Variants in IL1RAPL1 observed in about 807,000 individuals in gnomAD.
IL1RAPL1 encodes interleukin 1 receptor accessory protein like 1.
A neutral mutation model predicts 48.4 loss-of-function variants in IL1RAPL1; 3 were observed. That is an observed-to-expected ratio of 0.06 (90% confidence interval 0.03 to 0.16). The LOEUF is 0.16. IL1RAPL1 is among the 10% of genes least tolerant of loss of function. The pLI is 1.00. For synonymous variants in IL1RAPL1, 185 were observed against 187.7 expected, an observed-to-expected ratio of 0.99 and a Z score of 0.12; for missense variants, 349 against 530.6, an observed-to-expected ratio of 0.66 and a Z score of 3.36.
At chrX:29,794,576 A>C (rs1401464828) in intron 6 of IL1RAPL1, among the ~76,000 whole-genome samples, 1 of 112,168 alleles carries the variant, frequency 8.9e-6, no homozygotes, top group East Asian at 2.8e-4. Context: ...ATAGGGCACA[A>C]AAGCAGTTAT....
intron 2 of IL1RAPL1, among the ~76,000 whole-genome samples, chrX:29,035,501 AG>A (rs1012996261): frequency 3.6e-5 from 4 of 111,803 alleles, no homozygotes; most frequent in African/African-American, 1.3e-4. Flanking sequence ...CATACACCTA[AG>A]TTAACTTTAG....
intron 2 of IL1RAPL1, among the ~76,000 whole-genome samples, chrX:29,135,810 C>T (rs1252788202): frequency 8.9e-6 from 1 of 111,984 alleles, no homozygotes; most frequent in African/African-American, 3.2e-5. Flanking sequence ...TCTTGGCTCA[C>T]TACAACTTCC....
chrX:28,732,416 A>G (rs1394357881), intron 1 of IL1RAPL1, among the ~76,000 whole-genome samples: 1 of 112,008 alleles, frequency 8.9e-6, no homozygotes, highest in Non-Finnish European at 1.9e-5. Flanking sequence ...TCTTGTCCGT[A>G]TATAAATAGG....
chrX:29,744,873 A>G (rs1928294312), intron 6 of IL1RAPL1, among the ~76,000 whole-genome samples: 1 of 112,418 alleles, frequency 8.9e-6, no homozygotes, highest in Non-Finnish European at 1.9e-5. Flanking sequence ...GCAACAGAAT[A>G]AAGTTAACAT....
At chrX:29,504,921 T>A (rs754284610) in intron 5 of IL1RAPL1, among the ~76,000 whole-genome samples, 6 of 111,911 alleles carry the variant, frequency 5.4e-5, no homozygotes, top group African/African-American at 1.6e-4. Context: ...GTTCCTTTCC[T>A]ATTGTCTTCC....
At chrX:29,394,042 A>G (rs1933892446) in intron 3 of IL1RAPL1, among the ~76,000 whole-genome samples, 1 of 109,622 alleles carries the variant, frequency 9.1e-6, no homozygotes, top group South Asian at 3.9e-4. Context: ...TTTTATGCTG[A>G]AAGATTGACT....
At chrX:29,172,133 A>G (rs1174252907) in intron 2 of IL1RAPL1, among the ~76,000 whole-genome samples, 3 of 112,691 alleles carry the variant, frequency 2.7e-5, no homozygotes, top group Non-Finnish European at 5.6e-5. Flanking sequence ...TTTTCTTTTC[A>G]AAAGGTTAAG....
chrX:28,731,349 A>G (rs1332229561), intron 1 of IL1RAPL1, among the ~76,000 whole-genome samples: 1 of 111,712 alleles, frequency 9.0e-6, no homozygotes, highest in Admixed American at 9.5e-5. Context: ...TAAAAAGACA[A>G]TGATTGCTAG....
chrX:28,975,109 A>G lies in IL1RAPL1; in HGVS notation c.82+185684A>G, dbSNP rs188756301. Among the ~76,000 whole-genome samples the G allele has an allele frequency of 6.2e-5, 7 of 112,127 alleles. No individual in the cohort carries two copies. In the Admixed American group the frequency reaches 6.6e-4, roughly 11 times the overall value. On this transcript the variant is annotated intron_variant, in intron 2 of 10. Coordinates refer to ENST00000378993, the MANE Select transcript of IL1RAPL1 (RefSeq NM_014271.4). Reference sequence around the variant, plus strand: ...TTTTTAATACAAAGTCATCTGGCCAATGCTTATCTCTTCAGACTCATACCC... The same window carrying G: ...TTTTTAATACAAAGTCATCTGGCCAGTGCTTATCTCTTCAGACTCATACCC...
At chrX:28,774,900 A>T (rs1936346676) in intron 1 of IL1RAPL1, among the ~76,000 whole-genome samples, 1 of 111,501 alleles carries the variant, frequency 9.0e-6, no homozygotes, top group South Asian at 3.8e-4. Context: ...CCTGGAAGTG[A>T]TCTTTGATTT....
chrX:28,832,822 A>T (rs1346742771), intron 2 of IL1RAPL1, among the ~76,000 whole-genome samples: 3 of 80,404 alleles, frequency 3.7e-5, no homozygotes, highest in East Asian at 3.9e-4. Context: ...ATTTTTTTCA[A>T]TTTTTTTTTT....
chrX:28,882,942 A>C, intron 2 of IL1RAPL1, among the ~76,000 whole-genome samples: 1 of 112,079 alleles, frequency 8.9e-6, no homozygotes, highest in Non-Finnish European at 1.9e-5. Flanking sequence ...ATAAATCCAT[A>C]ATAATAGAAA....
chrX:28,641,915 C>A (rs147200067), intron 1 of IL1RAPL1, among the ~76,000 whole-genome samples: 134 of 110,510 alleles, frequency 1.2e-3, no homozygotes, highest in African/African-American at 4.3e-3. Context: ...TTCAGGAGAC[C>A]CATCTCATGT....
intron 5 of IL1RAPL1, among the ~76,000 whole-genome samples, chrX:29,530,650 G>A (rs1178323304): frequency 1.8e-5 from 2 of 111,773 alleles, no homozygotes. Flanking sequence ...TGACATGTGG[G>A]AGACAGGGCT....
intron 2 of IL1RAPL1, among the ~76,000 whole-genome samples, chrX:28,891,971 G>C (rs906401780): frequency 2.6e-4 from 29 of 111,522 alleles, no homozygotes; most frequent in African/African-American, 9.5e-4. Flanking sequence ...AATGACTAAT[G>C]ATACAGAACA....
At chrX:29,802,267 G>C (rs1002439047) in intron 6 of IL1RAPL1, among the ~76,000 whole-genome samples, 55 of 112,138 alleles carry the variant, frequency 4.9e-4, no homozygotes, top group African/African-American at 1.7e-3. Flanking sequence ...AAGCCAGATT[G>C]ATGTTTTCCA....
At chrX:28,715,723 TGG>T (rs1935496596) in intron 1 of IL1RAPL1, among the ~76,000 whole-genome samples, 1 of 110,997 alleles carries the variant, frequency 9.0e-6, no homozygotes, top group African/African-American at 3.3e-5. Flanking sequence ...CAGGACCAGA[TGG>T]ATTCACAGCT....
At chrX:28,639,311 G>A (rs1034773552) in intron 1 of IL1RAPL1, among the ~76,000 whole-genome samples, 1 of 111,800 alleles carries the variant, frequency 8.9e-6, no homozygotes, top group Non-Finnish European at 1.9e-5. Flanking sequence ...GCATTACATA[G>A]TTTAGCCATG....
At chrX:29,055,440 C>T (rs1310787059) in intron 2 of IL1RAPL1, among the ~76,000 whole-genome samples, 1 of 111,487 alleles carries the variant, frequency 9.0e-6, no homozygotes, top group African/African-American at 3.3e-5. Flanking sequence ...AGCCACGTTC[C>T]TAATTCTTGC....
Sources: gnomAD v4.1 joint callset for allele counts (sites outside exome capture counted in the v4.1 genomes callset) on GRCh38, gnomAD v4.1.1 for gene constraint, MANE v1.5 for transcripts, NCBI Gene and HGNC (gene_info 2026-07-23, HGNC 2026-07-21) for gene names.